The following CDYL2 variants were observed in gnomAD, a reference collection of about 807,000 sequenced individuals.
The protein encoded by CDYL2 is chromodomain Y-like protein 2.
CDYL2 carries 23 observed loss-of-function variants against 49.4 expected under a neutral mutation model. The observed-to-expected ratio is 0.47, with a 90% CI of 0.34 to 0.66. CDYL2 has a LOEUF of 0.66. Among genes scored for constraint, CDYL2 ranks in the 30% least tolerant of loss-of-function variants. CDYL2 has a pLI of 0.01. For missense variants in CDYL2, 678 were observed against 656.4 expected, an observed-to-expected ratio of 1.03 and a Z score of -0.36; for synonymous variants, 360 against 268.8, an observed-to-expected ratio of 1.34 and a Z score of -3.32.
At chr16:80,756,169 GAAC>G (rs1317457869) in intron 1 of CDYL2, among the ~76,000 whole-genome samples, 1 of 151,932 alleles carries the variant, frequency 6.6e-6, no homozygotes, top group Non-Finnish European at 1.5e-5. Flanking sequence ...GTTAAAAAGA[GAAC>G]AACAAAATAA....
intron 3 of CDYL2, among the ~76,000 whole-genome samples, chr16:80,624,161 C>A (rs920736346): frequency 6.6e-6 from 1 of 152,164 alleles, no homozygotes; most frequent in African/African-American, 2.4e-5. Context: ...CACAAGGACT[C>A]AAGGCAGTTG....
chr16:80,666,233 A>G (rs1567562133), intron 2 of CDYL2, among the ~76,000 whole-genome samples: 1 of 152,200 alleles, frequency 6.6e-6, no homozygotes, highest in African/African-American at 2.4e-5. Context: ...GCCTGCTCTT[A>G]TCAGTTTCTT....
intron 2 of CDYL2, among the ~76,000 whole-genome samples, chr16:80,640,949 G>C (rs1026276335): frequency 2.0e-5 from 3 of 152,130 alleles, no homozygotes; most frequent in Non-Finnish European, 4.4e-5. Flanking sequence ...CATGCCTACA[G>C]GATCTAGAAA....
intron 3 of CDYL2, among the ~76,000 whole-genome samples, chr16:80,624,323 G>C (rs550051469): frequency 2.0e-5 from 3 of 152,144 alleles, no homozygotes; most frequent in Non-Finnish European, 4.4e-5. Context: ...TATTTTTGCT[G>C]TAGGAAAACT....
rs1384324893 is a variant in CDYL2, at chr16:80,685,011, C to T, written c.143G>A (p.Cys48Tyr). The T allele has an allele frequency of 6.2e-7, 1 of 1,614,198 alleles. No homozygotes were observed. The highest frequency in any genetic ancestry group is 8.5e-7 in the Non-Finnish European group (1 of 1,180,026). ...TWEPEHHLLH[C>Y]EEFIDEFNGL... ...ATTGAATTCATCAATAAACTCCTCA[C>T]AGTGCAAGAGGTGGTGCTCCGGCTC... The change falls in exon 2 of 7, where the codon TGT (cysteine) becomes TAT (tyrosine). Residue 48 changes from cysteine to tyrosine, a missense_variant. Around this residue, in one of 3 missense-constraint regions of CDYL2, gnomAD observed 478 missense variants for 427.0 expected, o/e 1.12. Coordinates refer to ENST00000570137, the MANE Select transcript of CDYL2 (RefSeq NM_152342.4).
At chr16:80,617,684 C>G (rs1458582166) in intron 4 of CDYL2, among the ~76,000 whole-genome samples, 1 of 152,240 alleles carries the variant, frequency 6.6e-6, no homozygotes, top group East Asian at 1.9e-4. Context: ...TCTGTCTCTA[C>G]ACGCCGCATC....
At chr16:80,714,492 A>G (rs1005165552) in intron 1 of CDYL2, among the ~76,000 whole-genome samples, 10 of 152,192 alleles carry the variant, frequency 6.6e-5, no homozygotes, top group Admixed American at 1.3e-4. Flanking sequence ...CGGGAAAAAT[A>G]AAAAAATTTA....
chr16:80,665,528 A>G (rs918854662), intron 2 of CDYL2, among the ~76,000 whole-genome samples: 2 of 145,302 alleles, frequency 1.4e-5, no homozygotes, highest in Non-Finnish European at 3.1e-5. Context: ...AAAAAAAAAT[A>G]GCAAAAACCG....
rs2142365663 is a variant in CDYL2 at position 80,612,692 on chromosome 16, G to A, written c.1152C>T (p.Ala384=). 1 of 1,613,372 alleles carries A rather than the reference G, an allele frequency of 6.2e-7. No individual in the cohort carries two copies. Among genetic ancestry groups the A allele is most frequent in the East Asian group, 2.2e-5 (1 of 44,874 alleles). ...SEKAWFQTPY[A]TIRLTPAGCS... The stretch of plus-strand genomic sequence containing the variant: ...AGCCAGCAGGCGTGAGGCGGATGGT[G>A]GCGTAGGGCGTCTGGAACCAGGCCT... The change falls in exon 5 of 7, where the codon GCC becomes GCT. Residue 384 remains alanine, a synonymous_variant. Transcript: ENST00000570137. The surrounding 1 kb of genome is among the most constrained non-coding windows in gnomAD (Gnocchi z 5.0).
intron 2 of CDYL2, among the ~76,000 whole-genome samples, chr16:80,669,484 G>C (rs982254068): frequency 6.6e-6 from 1 of 152,030 alleles, no homozygotes. Context: ...GCGTCAAGCA[G>C]ATGGTGGGAG....
At chr16:80,743,747 G>A (rs1905830934) in intron 1 of CDYL2, among the ~76,000 whole-genome samples, 1 of 151,938 alleles carries the variant, frequency 6.6e-6, no homozygotes, top group African/African-American at 2.4e-5. Context: ...ATATATATCA[G>A]TTCAAATTGT....
intron 1 of CDYL2, among the ~76,000 whole-genome samples, chr16:80,792,936 G>A (rs574227921): frequency 5.4e-4 from 82 of 152,254 alleles, no homozygotes; most frequent in African/African-American, 1.6e-3. Context: ...CCTCAATATG[G>A]GACATTTCTG....
chr16:80,800,711 C>A (rs894275697), intron 1 of CDYL2, among the ~76,000 whole-genome samples: 1 of 151,954 alleles, frequency 6.6e-6, no homozygotes, highest in Admixed American at 6.6e-5. Flanking sequence ...AACAGAAGGA[C>A]AACGAAGGTC....
chr16:80,784,999 G>A (rs1447308527), intron 1 of CDYL2, among the ~76,000 whole-genome samples: 1 of 152,120 alleles, frequency 6.6e-6, no homozygotes, highest in Non-Finnish European at 1.5e-5. Flanking sequence ...AGTAAGTTTG[G>A]TACACAGGGA....
At chr16:80,699,915 C>A (rs951236506) in intron 1 of CDYL2, among the ~76,000 whole-genome samples, 1 of 151,492 alleles carries the variant, frequency 6.6e-6, no homozygotes, top group African/African-American at 2.4e-5. Context: ...TCGCCCAGGC[C>A]GGAGTGCAGT....
At chr16:80,683,165 T>A (rs1237966624) in intron 2 of CDYL2, among the ~76,000 whole-genome samples, 1 of 152,226 alleles carries the variant, frequency 6.6e-6, no homozygotes, top group Non-Finnish European at 1.5e-5. Context: ...CATCCAAGCA[T>A]CCCGGTCTCC....
At chr16:80,785,039 T>C (rs1316513809) in intron 1 of CDYL2, among the ~76,000 whole-genome samples, 1 of 152,120 alleles carries the variant, frequency 6.6e-6, no homozygotes. Flanking sequence ...TAGCCAAGCC[T>C]GGAAAGGTAG....
At chr16:80,614,596 T>C (rs1365288679) in intron 4 of CDYL2, among the ~76,000 whole-genome samples, 1 of 152,196 alleles carries the variant, frequency 6.6e-6, no homozygotes, top group Non-Finnish European at 1.5e-5. Context: ...CTGGGCATGG[T>C]CATTCACGCC....
At chr16:80,741,099 TAGTA>T (rs1567591386) in intron 1 of CDYL2, among the ~76,000 whole-genome samples, 3 of 150,624 alleles carry the variant, frequency 2.0e-5, no homozygotes, top group African/African-American at 4.8e-5. Flanking sequence ...TACAATAAGG[TAGTA>T]AGTAAGCATA....
Sources: gnomAD v4.1 joint callset for allele counts (sites outside exome capture counted in the v4.1 genomes callset) on GRCh38, gnomAD v4.1.1 for gene constraint, gnomAD v4.1.1 regional missense constraint, Gnocchi (gnomAD v3.1) non-coding constraint, MANE v1.5 for transcripts, NCBI Gene and HGNC (gene_info 2026-07-23, HGNC 2026-07-21) for gene names.